Variants in FRMD4A observed in about 807,000 individuals in gnomAD.
FRMD4A encodes FERM domain containing 4A.
Under a neutral mutation model 129.1 loss-of-function variants are expected in FRMD4A, and 29 were observed. The ratio of observed to expected loss-of-function variants is 0.22; its 90% CI spans 0.17 to 0.31. FRMD4A has a LOEUF of 0.31. FRMD4A is among the 10% of genes least tolerant of loss of function. The pLI is 1.00. For synonymous variants in FRMD4A, 634 were observed against 571.6 expected (o/e 1.11, Z -1.56); for missense variants, 1,272 against 1,375.8 (o/e 0.92, Z 1.19).
intron 2 of FRMD4A, among the ~76,000 whole-genome samples, chr10:14,105,706 T>A (rs999508800): frequency 3.3e-5 from 5 of 152,226 alleles, no homozygotes; most frequent in Non-Finnish European, 4.4e-5. Flanking sequence ...CCATAAATAG[T>A]GATTGACTGG....
intron 12 of FRMD4A, among the ~76,000 whole-genome samples, chr10:13,719,566 A>G (rs1448919921): frequency 6.6e-6 from 1 of 152,130 alleles, no homozygotes; most frequent in Non-Finnish European, 1.5e-5. Context: ...CTGGCTGTGT[A>G]AGGTTTGGTG....
At chr10:14,046,429 T>C (rs934900062) in intron 2 of FRMD4A, among the ~76,000 whole-genome samples, 14 of 152,126 alleles carry the variant, frequency 9.2e-5, no homozygotes, top group Non-Finnish European at 1.6e-4. Flanking sequence ...TGTTCTATAA[T>C]ATAAAAAACC....
chr10:13,888,507 G>C (rs77099491), intron 2 of FRMD4A, among the ~76,000 whole-genome samples: 40 of 152,264 alleles, frequency 2.6e-4, no homozygotes, highest in African/African-American at 9.4e-4. Flanking sequence ...ACATGGGCCT[G>C]AGTTACTTGC....
intron 2 of FRMD4A, among the ~76,000 whole-genome samples, chr10:13,878,790 A>AG (rs1564959994): frequency 0.028 from 3,586 of 129,416 alleles, 95 homozygotes; most frequent in African/African-American, 0.062. Context: ...GAGAGAGAGA[A>AG]AGAGAGAAGG....
At chr10:14,175,310 G>T (rs938907997) in intron 2 of FRMD4A, among the ~76,000 whole-genome samples, 1 of 152,084 alleles carries the variant, frequency 6.6e-6, no homozygotes, top group Admixed American at 6.5e-5. Context: ...GTACTCACAA[G>T]ACATCCCCAA....
intron 2 of FRMD4A, among the ~76,000 whole-genome samples, chr10:14,323,602 C>T (rs1047689748): frequency 1.3e-5 from 2 of 152,146 alleles, no homozygotes; most frequent in African/African-American, 4.8e-5. Context: ...TCCTAGCATC[C>T]CCTTCTGATA....
chr10:13,786,497 T>C (rs546537634), intron 5 of FRMD4A, among the ~76,000 whole-genome samples: 16 of 152,130 alleles, frequency 1.1e-4, no homozygotes, highest in African/African-American at 2.4e-5. Context: ...TCCCAGCTAC[T>C]TGGGAGGCTG....
chr10:13,789,325 G>A (rs975096075), intron 5 of FRMD4A, among the ~76,000 whole-genome samples: 2 of 152,142 alleles, frequency 1.3e-5, no homozygotes, highest in Admixed American at 1.3e-4. Flanking sequence ...GGACTTGGCT[G>A]TAAAATCCTT....
intron 2 of FRMD4A, among the ~76,000 whole-genome samples, chr10:13,885,972 A>G (rs1371329046): frequency 6.6e-6 from 1 of 152,128 alleles, no homozygotes; most frequent in Non-Finnish European, 1.5e-5. Flanking sequence ...AGGGCTGGCC[A>G]GTGGGAGTCG....
chr10:14,113,354 C>A (rs960603039), intron 2 of FRMD4A, among the ~76,000 whole-genome samples: 1 of 152,144 alleles, frequency 6.6e-6, no homozygotes, highest in African/African-American at 2.4e-5. Context: ...TTATGATGAT[C>A]CAGACCCACT....
At chr10:14,310,498 G>A (rs1846509771) in intron 2 of FRMD4A, among the ~76,000 whole-genome samples, 1 of 152,212 alleles carries the variant, frequency 6.6e-6, no homozygotes, top group African/African-American at 2.4e-5. Flanking sequence ...TTGCACGGGT[G>A]AATGCTGGCC....
chr10:13,954,411 C>A (rs1441852440), intron 2 of FRMD4A, among the ~76,000 whole-genome samples: 1 of 152,098 alleles, frequency 6.6e-6, no homozygotes, highest in African/African-American at 2.4e-5. Context: ...GTTTACAAAA[C>A]CATCAGATCT....
At chr10:13,897,706 C>A (rs1261599878) in intron 2 of FRMD4A, among the ~76,000 whole-genome samples, 2 of 150,778 alleles carry the variant, frequency 1.3e-5, no homozygotes, top group Non-Finnish European at 3.0e-5. Context: ...GGATGCCAAG[C>A]AGGGTGGATC....
chr10:13,887,544 TG>T (rs1354935150), intron 2 of FRMD4A, among the ~76,000 whole-genome samples: 1 of 152,164 alleles, frequency 6.6e-6, no homozygotes, highest in Non-Finnish European at 1.5e-5. Flanking sequence ...CTGGGCGTAG[TG>T]GCACGTGCCT....
chr10:14,214,011 T>C (rs1156483884), intron 2 of FRMD4A, among the ~76,000 whole-genome samples: 3 of 152,246 alleles, frequency 2.0e-5, no homozygotes, highest in Non-Finnish European at 4.4e-5. Flanking sequence ...GATGGTTTTG[T>C]AAAGGGCAGT....
rs2134274022 is a variant in FRMD4A at position 13,644,726 on chromosome 10, G to C, written c.*2312C>G. 1 of 151,932 alleles carries C rather than the reference G, an allele frequency of 6.6e-6. No individual in the cohort carries two copies. Among genetic ancestry groups the C allele is most frequent in the African/African-American group, 2.4e-5 (1 of 41,398 alleles). The allele number at this position is 151,932 out of a possible 1,614,324, so 9.4% of individuals were successfully genotyped here. A position where few individuals can be genotyped will look rare whatever the true frequency, so the allele number is the denominator to read the frequency against. On this transcript the variant is annotated 3_prime_UTR_variant, in exon 25 of 25. Coordinates refer to ENST00000357447, the MANE Select transcript of FRMD4A (RefSeq NM_018027.5). ...TTTCCTGTTGCACACAGTTCAGTCT[G>C]ACTATCCATGAATCTTCTTTGGGAG... is the stretch of plus-strand genomic sequence containing the variant.
intron 2 of FRMD4A, among the ~76,000 whole-genome samples, chr10:14,158,837 AGAGGAGGAGGAGGAGGAGGAGGAGGAG>A (rs71388159): frequency 1.5e-5 from 2 of 137,030 alleles, no homozygotes; most frequent in African/African-American, 5.4e-5. Context: ...AGGAGGAGAA[AGAGGAGGAGGAGGAGGAGGAGGAGGAG>A]GAGGAGGAGG....
intron 2 of FRMD4A, among the ~76,000 whole-genome samples, chr10:14,186,196 T>C (rs1842141592): frequency 6.6e-6 from 1 of 150,686 alleles, no homozygotes; most frequent in South Asian, 2.1e-4. Flanking sequence ...CCTCCTCTTA[T>C]GGGATAACAA....
intron 2 of FRMD4A, among the ~76,000 whole-genome samples, chr10:14,039,454 CA>C (rs1833683045): frequency 2.7e-5 from 1 of 37,712 alleles, no homozygotes; most frequent in Non-Finnish European, 6.2e-5. Flanking sequence ...CAAAATCAAT[CA>C]ATCTATCTAT....
Sources: allele counts gnomAD v4.1 joint callset (sites outside exome capture counted in the v4.1 genomes callset), GRCh38; gene constraint gnomAD v4.1.1; transcripts MANE v1.5; gene names NCBI Gene and HGNC (gene_info 2026-07-23, HGNC 2026-07-21).